ITGB5: variants seen among roughly 807,000 people sequenced by gnomAD.
The protein encoded by ITGB5 is integrin beta-5.
In ITGB5, 38 loss-of-function variants were observed where a neutral mutation model predicts 84.8. The ratio of observed to expected loss-of-function variants is 0.45; its 90% CI spans 0.35 to 0.59. The LOEUF (loss-of-function observed/expected upper bound fraction) is 0.59, where lower values mean the gene tolerates loss of function less well. Among genes scored for constraint, ITGB5 ranks in the 20% least tolerant of loss-of-function variants. ITGB5 has a pLI of 0.01. For missense variants in ITGB5, 905 were observed against 1,034.5 expected, an observed-to-expected ratio of 0.87 and a Z score of 1.72; for synonymous variants, 393 against 414.4, an observed-to-expected ratio of 0.95 and a Z score of 0.63.
intron 1 of ITGB5, among the ~76,000 whole-genome samples, chr3:124,882,035 A>G (rs1297071344): frequency 1.3e-5 from 2 of 152,154 alleles, no homozygotes; most frequent in East Asian, 1.9e-4. Context: ...AACAAGCCGC[A>G]TGCATAGTCC....
intron 2 of ITGB5, among the ~76,000 whole-genome samples, chr3:124,867,086 A>G (rs913374847): frequency 9.9e-5 from 15 of 151,748 alleles, no homozygotes; most frequent in African/African-American, 2.2e-4. Flanking sequence ...CCTACCTCCA[A>G]TCCTACTGAT....
chr3:124,821,080 G>T (rs2064694540), intron 6 of ITGB5, among the ~76,000 whole-genome samples: 1 of 152,186 alleles, frequency 6.6e-6, no homozygotes, highest in South Asian at 2.1e-4. Context: ...GACGCACATT[G>T]ACAGAAAGAT....
chr3:124,889,236 G>A (rs1157962722), upstream of ITGB5, among the ~76,000 whole-genome samples: 2 of 152,146 alleles, frequency 1.3e-5, no homozygotes, highest in African/African-American at 4.8e-5. Flanking sequence ...CTGGCCTATT[G>A]TTTATGTAAA....
chr3:124,871,969 T>A lies in ITGB5; in HGVS notation c.156+1477A>T, dbSNP rs115373215. On this transcript the variant is annotated intron_variant, in intron 2 of 14. Coordinates refer to ENST00000296181, the MANE Select transcript of ITGB5 (RefSeq NM_002213.5). ...GCAGGGTTTCTCAAGCTGGGCTCTC[T>A]GGGTATCTGCAGGTGGTTCCCTCTG... 9.4e-3 allele frequency among the ~76,000 whole-genome samples: 1,434 copies of A among 152,166 alleles called. 30 individuals are homozygous for A. Among genetic ancestry groups the A allele is most frequent in the African/African-American group, 0.032 (1,336 of 41,508 alleles).
chr3:124,771,738 G>A (rs1254246667), intron 11 of ITGB5, among the ~76,000 whole-genome samples: 3 of 115,910 alleles, frequency 2.6e-5, no homozygotes, highest in Non-Finnish European at 4.8e-5. Context: ...GCGGGAGTGA[G>A]ACCCTGTCTC....
In ITGB5 at chr3:124,796,834, G is replaced by C. The variant is rs370493261; in HGVS notation, c.1264-17C>G. 1.9e-6 allele frequency: 3 copies of C among 1,579,236 alleles called. No individual in the cohort carries two copies. The highest frequency in any genetic ancestry group is 3.5e-5 in the Admixed American group (2 of 57,808). On this transcript the variant is annotated splice_polypyrimidine_tract_variant and intron_variant, in intron 9 of 14. Coordinates refer to ENST00000296181, the MANE Select transcript of ITGB5 (RefSeq NM_002213.5). ...AAAAGATGCCTGGGCAGAAGGAAGA[G>C]AAGGGATATCATGGCTGCGGCAAGC...
chr3:124,900,254 G>A (rs1460096653), intron 1 of ITGB5, among the ~76,000 whole-genome samples: 1 of 152,194 alleles, frequency 6.6e-6, no homozygotes. Flanking sequence ...ATATGTGACT[G>A]CAGACTAGTT....
chr3:124,793,073 C>T (rs1310288208), intron 10 of ITGB5: 1 of 152,168 alleles, frequency 6.6e-6, no homozygotes, highest in East Asian at 1.9e-4. Flanking sequence ...GAGTACCAGG[C>T]CAGGGCCTTC....
intron 1 of ITGB5, among the ~76,000 whole-genome samples, chr3:124,900,377 A>G (rs1266813021): frequency 6.6e-6 from 1 of 152,222 alleles, no homozygotes; most frequent in African/African-American, 2.4e-5. Flanking sequence ...TGTGCCTGGC[A>G]TATAGGGAGT....
At chr3:124,776,880 A>G (rs76303575) in intron 10 of ITGB5, among the ~76,000 whole-genome samples, 24,939 of 152,100 alleles carry the variant, frequency 0.16, 2,220 homozygotes, top group Admixed American at 0.25. Flanking sequence ...CTTTTGCTGA[A>G]GGGCCTGGGC....
At chr3:124,821,200 G>C in intron 6 of ITGB5, 113 bp downstream of exon 6, 1 of 1,179,204 alleles carries the variant, frequency 8.5e-7, no homozygotes, top group East Asian at 2.6e-5. Flanking sequence ...GGATCAGAAA[G>C]CCAGTGAATA....
intron 9 of ITGB5, among the ~76,000 whole-genome samples, chr3:124,804,142 A>C (rs1001178383): frequency 3.9e-5 from 6 of 152,162 alleles, no homozygotes; most frequent in African/African-American, 1.4e-4. Context: ...CTGACTTTAC[A>C]ATCTTTCTGC....
At chr3:124,831,269 C>G (rs1394961725) in intron 5 of ITGB5, among the ~76,000 whole-genome samples, 1 of 152,124 alleles carries the variant, frequency 6.6e-6, no homozygotes, top group Non-Finnish European at 1.5e-5. Flanking sequence ...GCATGGTTCC[C>G]TGGATGTGGT....
rs371637276 is a variant in ITGB5, at chr3:124,841,525, G to C, written c.638C>G (p.Pro213Arg). 15 of 1,613,790 alleles carry C rather than the reference G, an allele frequency of 9.3e-6. No homozygotes were observed. Among genetic ancestry groups the C allele is most frequent in the Non-Finnish European group, 1.3e-5 (15 of 1,179,942 alleles). The change falls in exon 5 of 15, where the codon CCC (proline) becomes CGC (arginine). Residue 213 changes from proline (P) to arginine (R), a missense_variant. Physicochemically the swap from Pro to Arg is moderately radical, Grantham distance 103. Transcript: ENST00000296181. ...CAGCAGATGGCGGAACCCAAAGGAG[G>C]GGACGCAATTTGGAAACAACTTGTA... ...IGYKLFPNCVPSFGFRHLLPL... is the reference protein window; with the variant it reads ...IGYKLFPNCVRSFGFRHLLPL...
At chr3:124,850,033 G>A (rs1386722574) in intron 3 of ITGB5, among the ~76,000 whole-genome samples, 1 of 151,922 alleles carries the variant, frequency 6.6e-6, no homozygotes, top group Non-Finnish European at 1.5e-5. Flanking sequence ...CCTCACTCCT[G>A]CCCAGCGGGT....
intron 1 of ITGB5, 64 bp from the exon 2 acceptor site, chr3:124,873,595 TG>T: frequency 1.7e-6 from 2 of 1,192,042 alleles, no homozygotes; most frequent in Non-Finnish European, 2.5e-6. Flanking sequence ...ATCAAGCCTT[TG>T]AATAGGGGGA....
intron 10 of ITGB5, among the ~76,000 whole-genome samples, chr3:124,777,778 A>G (rs1294487157): frequency 6.6e-6 from 1 of 152,224 alleles, no homozygotes; most frequent in East Asian, 1.9e-4. Context: ...AGAAAGCGTG[A>G]CCCACACAGA....
At chr3:124,773,611 C>G in intron 11 of ITGB5, 79 bp downstream of exon 11, 1 of 1,364,508 alleles carries the variant, frequency 7.3e-7, no homozygotes, top group Non-Finnish European at 1.0e-6. Context: ...GGAGGCTAGC[C>G]GGCCCTGAGG....
At chr3:124,771,662 C>T (rs2063845571) in intron 11 of ITGB5, among the ~76,000 whole-genome samples, 1 of 148,624 alleles carries the variant, frequency 6.7e-6, no homozygotes, top group African/African-American at 2.5e-5. Flanking sequence ...GCAGGAGGAT[C>T]ACTTGAGCCC....
Sources: gnomAD v4.1 joint callset for allele counts (sites outside exome capture counted in the v4.1 genomes callset) on GRCh38, gnomAD v4.1.1 for gene constraint, MANE v1.5 for transcripts, NCBI Gene and HGNC (gene_info 2026-07-23, HGNC 2026-07-21) for gene names.